RASA3: variants seen among roughly 807,000 people sequenced by gnomAD.
RASA3 encodes RAS p21 protein activator 3.
A neutral mutation model predicts 110.0 loss-of-function variants in RASA3; 73 were observed. That is an observed-to-expected ratio of 0.66 (90% CI 0.55 to 0.81). The LOEUF (loss-of-function observed/expected upper bound fraction) is 0.81, where lower values mean the gene tolerates loss of function less well. Ranked by LOEUF, RASA3 falls within the 30% of genes least tolerant of loss-of-function variation. RASA3 has a pLI of 0.00. For synonymous variants in RASA3, 500 were observed against 451.4 expected, an observed-to-expected ratio of 1.11 and a Z score of -1.37; for missense variants, 976 against 1,113.2, an observed-to-expected ratio of 0.88 and a Z score of 1.75.
chr13:114,109,626 C>T (rs1050179922), intron 1 of RASA3, among the ~76,000 whole-genome samples: 1 of 152,208 alleles, frequency 6.6e-6, no homozygotes, highest in South Asian at 2.1e-4. Context: ...CTTAAAGCAA[C>T]ATAAACGTCA....
At chr13:113,990,628 A>C (rs1452022624) in intron 22 of RASA3, among the ~76,000 whole-genome samples, 1 of 152,172 alleles carries the variant, frequency 6.6e-6, no homozygotes, top group Non-Finnish European at 1.5e-5. Flanking sequence ...GGGACCTCAG[A>C]CCCAGGGACA....
chr13:114,087,932 C>T (rs545184575), intron 1 of RASA3, among the ~76,000 whole-genome samples: 1 of 152,336 alleles, frequency 6.6e-6, no homozygotes, highest in South Asian at 2.1e-4. Flanking sequence ...GAGTTGGAGA[C>T]CAGCCTGGCC....
At chr13:114,117,148 G>A (rs1250837581) in intron 1 of RASA3, among the ~76,000 whole-genome samples, 5 of 125,098 alleles carry the variant, frequency 4.0e-5, no homozygotes, top group South Asian at 2.9e-4. Flanking sequence ...AGGAGAGCAC[G>A]TGTGTGAGGG....
intron 2 of RASA3, among the ~76,000 whole-genome samples, chr13:114,059,690 C>T (rs1241210830): frequency 6.6e-6 from 1 of 152,254 alleles, no homozygotes; most frequent in Admixed American, 6.5e-5. Flanking sequence ...TCTTCCTCTG[C>T]CCTGCACAGT....
chr13:114,003,068 C>A (rs534016103), intron 18 of RASA3, among the ~76,000 whole-genome samples: 7 of 152,366 alleles, frequency 4.6e-5, no homozygotes, highest in Admixed American at 4.6e-4. Flanking sequence ...TGGCAAGACA[C>A]ACTTGGCACC....
At chr13:114,055,726 G>A (rs1041886513) in intron 2 of RASA3, among the ~76,000 whole-genome samples, 3 of 152,202 alleles carry the variant, frequency 2.0e-5, no homozygotes, top group East Asian at 1.9e-4. Flanking sequence ...TGGACTTGGC[G>A]TTTCCAGCCC....
intron 1 of RASA3, among the ~76,000 whole-genome samples, chr13:114,074,997 T>C (rs1439169949): frequency 6.6e-6 from 1 of 152,072 alleles, no homozygotes; most frequent in African/African-American, 2.4e-5. Context: ...TCAAACACAC[T>C]CGCGCCTCCC....
intron 7 of RASA3, among the ~76,000 whole-genome samples, chr13:114,025,902 G>A (rs1374077793): frequency 6.6e-6 from 1 of 152,184 alleles, no homozygotes; most frequent in Non-Finnish European, 1.5e-5. Flanking sequence ...AGCTGAAGCC[G>A]AAAGAGACAG....
chr13:114,075,465 G>A (rs188525719), intron 1 of RASA3, among the ~76,000 whole-genome samples: 1 of 84,588 alleles, frequency 1.2e-5, no homozygotes, highest in African/African-American at 4.3e-5. Flanking sequence ...TCCGCGCCGC[G>A]TATCTCTGCG....
At position 114,014,896 on chromosome 13, in the gene RASA3, C is replaced by A. The variant is rs2053754289; in HGVS notation, c.1405+313G>T. Reference sequence around the variant, plus strand: ...CCACCCTTCCCGGCCCCCCCAGAGACCACTGTGGTCGTGAACTCCAGGGCT... The same window carrying A: ...CCACCCTTCCCGGCCCCCCCAGAGAACACTGTGGTCGTGAACTCCAGGGCT... On this transcript the variant is annotated intron_variant, in intron 14 of 23. Coordinates refer to ENST00000334062, the MANE Select transcript of RASA3 (RefSeq NM_007368.4). The surrounding 1 kb of genome is among the most constrained non-coding windows in gnomAD (Gnocchi z 4.5). 1.3e-5 allele frequency among the ~76,000 whole-genome samples: 2 copies of A among 152,052 alleles called. No individual in the cohort carries two copies. Among genetic ancestry groups the A allele is most frequent in the African/African-American group, 2.4e-5 (1 of 41,404 alleles).
chr13:114,088,741 G>A (rs2079852325), intron 1 of RASA3, among the ~76,000 whole-genome samples: 1 of 152,088 alleles, frequency 6.6e-6, no homozygotes, highest in African/African-American at 2.4e-5. Flanking sequence ...TTAGAGACAA[G>A]GTTTCTCCAT....
At position 114,107,079 on chromosome 13, in the gene RASA3, T is replaced by C. The variant is rs575884014; in HGVS notation, c.55+25356A>G. On this transcript the variant is annotated intron_variant, in intron 1 of 23. Coordinates refer to ENST00000334062, the MANE Select transcript of RASA3 (RefSeq NM_007368.4). Reference sequence around the variant, plus strand: ...CGTGCACGGCCACATCTGGATCAGATGTGCAGGCATTTCAACATGGCAGTC... The same window carrying C: ...CGTGCACGGCCACATCTGGATCAGACGTGCAGGCATTTCAACATGGCAGTC... Among the ~76,000 whole-genome samples the C allele has an allele frequency of 1.1e-3, 162 of 152,320 alleles. 2 individuals are homozygous for C. The highest frequency in any genetic ancestry group is 6.8e-3 in the Middle Eastern group (2 of 294).
At chr13:113,990,730 TGCCTGCACATGG>T (rs1215442173) in intron 22 of RASA3, among the ~76,000 whole-genome samples, 4 of 152,230 alleles carry the variant, frequency 2.6e-5, no homozygotes, top group African/African-American at 4.8e-5. Flanking sequence ...TGTGTGTGCA[TGCCTGCACATGG>T]GCCTGCACAT....
chr13:114,081,040 G>A (rs951027166), intron 1 of RASA3, among the ~76,000 whole-genome samples: 13 of 150,608 alleles, frequency 8.6e-5, no homozygotes, highest in South Asian at 4.2e-4. Context: ...GCAGAGGGCC[G>A]TCCACCTAGA....
chr13:114,013,926 C>CCG (rs547181909), intron 14 of RASA3, among the ~76,000 whole-genome samples: 10,277 of 116,624 alleles, frequency 0.088, 1,664 homozygotes, highest in African/African-American at 0.26. Context: ...CTCTCTCCGT[C>CCG]TCTCTCTCCC....
chr13:114,025,302 T>A (rs2054007188), intron 7 of RASA3, among the ~76,000 whole-genome samples: 1 of 152,256 alleles, frequency 6.6e-6, no homozygotes, highest in Non-Finnish European at 1.5e-5. Context: ...TGCTTCGGGT[T>A]GAGGGCTGCT....
At chr13:114,103,264 C>T (rs964419283) in intron 1 of RASA3, among the ~76,000 whole-genome samples, 30 of 152,090 alleles carry the variant, frequency 2.0e-4, no homozygotes, top group African/African-American at 6.8e-4. Flanking sequence ...GGAGAGATGC[C>T]CAAGAGACCA....
At chr13:114,087,785 G>C (rs1255134503) in intron 1 of RASA3, among the ~76,000 whole-genome samples, 1 of 152,262 alleles carries the variant, frequency 6.6e-6, no homozygotes, top group Non-Finnish European at 1.5e-5. Flanking sequence ...GCCGGAGGCA[G>C]CAACACACAC....
At chr13:114,131,225 A>T (rs911252768) in intron 1 of RASA3, among the ~76,000 whole-genome samples, 7 of 152,292 alleles carry the variant, frequency 4.6e-5, no homozygotes, top group Admixed American at 2.6e-4. Context: ...ATCAAATGTC[A>T]TCAACAACTG....
Sources: gnomAD v4.1 joint callset for allele counts (sites outside exome capture counted in the v4.1 genomes callset) on GRCh38, gnomAD v4.1.1 for gene constraint, Gnocchi (gnomAD v3.1) non-coding constraint, MANE v1.5 for transcripts, NCBI Gene and HGNC (gene_info 2026-07-23, HGNC 2026-07-21) for gene names.